The following INTS9 variants were observed in gnomAD, a reference collection of about 807,000 sequenced individuals.
The protein encoded by INTS9 is protein related to CPSF subunits of 74 kDa.
INTS9 carries 55 observed loss-of-function variants against 79.7 expected under a neutral mutation model. That is an observed-to-expected ratio of 0.69 (90% confidence interval 0.56 to 0.86). The LOEUF (loss-of-function observed/expected upper bound fraction) is 0.86. Ranked by LOEUF, INTS9 falls within the 40% of genes least tolerant of loss-of-function variation. INTS9 has a pLI of 0.00. For synonymous variants in INTS9, 319 were observed against 325.2 expected (o/e 0.98, Z 0.20); for missense variants, 721 against 831.5 (o/e 0.87, Z 1.64).
In INTS9 at chr8:28,834,507, C is replaced by T. The variant is rs1806685127; in HGVS notation, c.488+785G>A. Among the ~76,000 whole-genome samples, 3 of 152,146 alleles carry T rather than the reference C, an allele frequency of 2.0e-5. No homozygotes were observed. In the South Asian group the frequency reaches 6.2e-4, roughly 32 times the overall value. On this transcript the variant is annotated intron_variant, in intron 6 of 16. Transcript: ENST00000521022. ...TCACTGTTCCCTGAATATACTATGT[C>T]CCATGACGCCATGCCTGGACTTCTC...
chr8:28,868,112 G>A (rs933173396), intron 1 of INTS9, among the ~76,000 whole-genome samples: 2 of 152,172 alleles, frequency 1.3e-5, no homozygotes, highest in African/African-American at 4.8e-5. Flanking sequence ...TTTTTGCAGA[G>A]GTGGTATAAT....
chr8:28,861,356 G>A (rs1808449900), intron 1 of INTS9, among the ~76,000 whole-genome samples: 1 of 152,088 alleles, frequency 6.6e-6, no homozygotes, highest in African/African-American at 2.4e-5. Context: ...ATCTCAAAAT[G>A]AACACAAAGC....
chr8:28,874,610 T>C (rs1809277303), intron 1 of INTS9, among the ~76,000 whole-genome samples: 1 of 152,110 alleles, frequency 6.6e-6, no homozygotes, highest in African/African-American at 2.4e-5. Flanking sequence ...ACTCTTAAAC[T>C]TCCTTGAAAC....
intron 11 of INTS9, 91 bp from the exon 12 acceptor site, chr8:28,781,085 A>G: frequency 1.0e-6 from 1 of 976,900 alleles, no homozygotes; most frequent in Non-Finnish European, 1.5e-6. Flanking sequence ...GACTGGATCT[A>G]AAATACCAAC....
intron 2 of INTS9, among the ~76,000 whole-genome samples, chr8:28,852,028 G>A (rs114580606): frequency 0.011 from 1,730 of 152,160 alleles, 37 homozygotes; most frequent in African/African-American, 0.04. Flanking sequence ...AGCCCAGCCT[G>A]GGCATCATAG....
intron 6 of INTS9, among the ~76,000 whole-genome samples, chr8:28,820,054 G>A (rs1214797912): frequency 9.9e-5 from 15 of 152,236 alleles, no homozygotes; most frequent in East Asian, 1.9e-4. Flanking sequence ...GTCTCTGCAC[G>A]TAAGATGGGT....
At chr8:28,883,703 G>A (rs914972768) in intron 1 of INTS9, among the ~76,000 whole-genome samples, 1 of 152,148 alleles carries the variant, frequency 6.6e-6, no homozygotes, top group African/African-American at 2.4e-5. Flanking sequence ...AACCCACTAG[G>A]CTTCACGTTC....
At chr8:28,845,507 T>G (rs1807455223) in intron 4 of INTS9, among the ~76,000 whole-genome samples, 1 of 152,212 alleles carries the variant, frequency 6.6e-6, no homozygotes, top group Admixed American at 6.5e-5. Flanking sequence ...CTGTCTAATT[T>G]AAAAGCTGAG....
chr8:28,862,076 T>A, intron 1 of INTS9: 6 of 985,470 alleles, frequency 6.1e-6, no homozygotes, highest in Non-Finnish European at 6.0e-6. Flanking sequence ...ACAGAGTGGC[T>A]GCCTGAGGTT....
At chr8:28,813,649 A>C in intron 6 of INTS9, 37 bp from the exon 7 acceptor site, 1 of 1,608,060 alleles carries the variant, frequency 6.2e-7, no homozygotes, top group Non-Finnish European at 8.5e-7. Flanking sequence ...CCAGGTGAAC[A>C]TTTCTTCATG....
At chr8:28,819,338 T>A (rs1805688608) in intron 6 of INTS9, among the ~76,000 whole-genome samples, 2 of 152,232 alleles carry the variant, frequency 1.3e-5, no homozygotes, top group Non-Finnish European at 2.9e-5. Context: ...GTCCCAGAGA[T>A]TCTGGTATGT....
intron 13 of INTS9, 42 bp downstream of exon 13, chr8:28,777,787 G>A: frequency 6.4e-7 from 1 of 1,559,030 alleles, no homozygotes; most frequent in Non-Finnish European, 8.7e-7. Flanking sequence ...CCACACCAAG[G>A]TGACATGACT....
intron 6 of INTS9, among the ~76,000 whole-genome samples, chr8:28,827,741 T>C (rs567578027): frequency 1.3e-5 from 2 of 152,320 alleles, no homozygotes; most frequent in South Asian, 2.1e-4. Flanking sequence ...TACCAAAGCA[T>C]GACAGGAACG....
chr8:28,769,867 G>A (rs779909513), intron 16 of INTS9, 22 bp downstream of exon 16: 26 of 1,612,064 alleles, frequency 1.6e-5, no homozygotes, highest in South Asian at 3.3e-5. Flanking sequence ...GAGTTTTCAC[G>A]GCACCAGCGA....
intron 14 of INTS9, among the ~76,000 whole-genome samples, chr8:28,774,801 G>GT (rs1802772495): frequency 6.6e-6 from 1 of 152,178 alleles, no homozygotes; most frequent in Non-Finnish European, 1.5e-5. Context: ...GAAGCCAGAG[G>GT]TAGCCTCCAA....
At chr8:28,877,134 ATGTC>A (rs1029085797) in intron 1 of INTS9, among the ~76,000 whole-genome samples, 14 of 152,144 alleles carry the variant, frequency 9.2e-5, no homozygotes, top group Admixed American at 7.9e-4. Context: ...AAAAAAATAA[ATGTC>A]TGAGAGCAGC....
At chr8:28,773,846 A>G (rs1246123131) in intron 14 of INTS9, among the ~76,000 whole-genome samples, 2 of 151,704 alleles carry the variant, frequency 1.3e-5, no homozygotes, top group South Asian at 2.1e-4. Flanking sequence ...TTTTTGAGAC[A>G]GAGTCTCGCT....
chr8:28,872,505 T>C (rs1446887625), intron 1 of INTS9, among the ~76,000 whole-genome samples: 1 of 151,952 alleles, frequency 6.6e-6, no homozygotes, highest in Non-Finnish European at 1.5e-5. Flanking sequence ...TTGCTAGACT[T>C]GACTGCAACT....
chr8:28,887,215 T>TG (rs1167532461), intron 1 of INTS9, among the ~76,000 whole-genome samples: 1 of 152,206 alleles, frequency 6.6e-6, no homozygotes, highest in Admixed American at 6.5e-5. Context: ...CAATGGAACA[T>TG]ATTCAACCAA....
Sources: allele counts gnomAD v4.1 joint callset (sites outside exome capture counted in the v4.1 genomes callset), GRCh38; gene constraint gnomAD v4.1.1; transcripts MANE v1.5; gene names NCBI Gene and HGNC (gene_info 2026-07-23, HGNC 2026-07-21).